The following CCDC9 variants were observed in gnomAD, a reference collection of about 807,000 sequenced individuals.
The protein encoded by CCDC9 is coiled-coil domain containing 9, also known as coiled-coil domain-containing protein 9.
CCDC9 carries 52 observed loss-of-function variants against 65.6 expected under a neutral mutation model. The ratio of observed to expected loss-of-function variants is 0.79; its 90% confidence interval spans 0.63 to 1.00. The LOEUF is 1.00. Ranked by LOEUF, CCDC9 falls within the 50% of genes least tolerant of loss-of-function variation. CCDC9 has a pLI of 0.00. For synonymous variants in CCDC9, 332 were observed against 280.3 expected (o/e 1.18, Z -1.84); for missense variants, 834 against 757.2 (o/e 1.10, Z -1.19).
At position 47,258,457 on chromosome 19, in the gene CCDC9, G is replaced by A. The variant is rs990535842; in HGVS notation, c.3+54G>A. On this transcript the variant is annotated intron_variant, in intron 2 of 11. Transcript: ENST00000221922. ...TCTGAGTTTTGGGGAAGGGGGCTTG[G>A]GAGGATGGGATCCATAGGGGCAGAC... 6.2e-6 allele frequency: 10 copies of A among 1,612,452 alleles called. No individual in the cohort carries two copies. In the African/African-American group the frequency reaches 1.3e-4, roughly 22 times the overall value.
At chr19:47,260,268 C>CGT in intron 3 of CCDC9, 53 bp from the exon 4 acceptor site, 2 of 1,331,402 alleles carry the variant, frequency 1.5e-6, no homozygotes, top group Non-Finnish European at 2.1e-6. Flanking sequence ...TCTGGGAGTC[C>CGT]GTCTGGCAGA....
chr19:47,266,895 G>A (rs2059086008), intron 8 of CCDC9, 103 bp downstream of exon 8: 17 of 1,354,092 alleles, frequency 1.3e-5, no homozygotes, highest in Non-Finnish European at 1.7e-5. Context: ...GTATGAGTGA[G>A]TGACTGCCAA....
Position 47,271,759 on chromosome 19 carries a change from G to A in CCDC9, c.*81G>A, listed in dbSNP as rs1225717310. On this transcript the variant is annotated 3_prime_UTR_variant, in exon 12 of 12. Transcript: ENST00000221922. The stretch of plus-strand genomic sequence containing the variant: ...CGCGCGCGCGCGCGCGCGCGCGCGC[G>A]CTAGAGGGGTGTGGCTGGTGGGGGA... 2.1e-4 allele frequency: 298 copies of A among 1,386,962 alleles called. 1 individual carries two copies. Among genetic ancestry groups the A allele is most frequent in the African/African-American group, 1.8e-3 (114 of 63,064 alleles). The allele number at this position is 1,386,962 out of a possible 1,614,324, so 85.9% of individuals were successfully genotyped here. A position where few individuals can be genotyped will look rare whatever the true frequency, so the allele number is the denominator to read the frequency against.
rs774561026 is a variant in CCDC9 at position 47,270,668 on chromosome 19, G to T, written c.1065G>T (p.Lys355Asn). 1 of 1,611,760 alleles carries T rather than the reference G, an allele frequency of 6.2e-7. No homozygotes were observed. Residue 355 changes from lysine to asparagine, a missense_variant, in exon 10 of 12, where the codon AAG becomes AAT. Coordinates refer to ENST00000221922, the MANE Select transcript of CCDC9 (RefSeq NM_015603.3). Reference sequence around the variant, plus strand: ...GAAAGAGCAGTCGGCCCCAGGCCAAGGCAGCGCCCAGGGCCTACAGGTGGG... The same window carrying T: ...GAAAGAGCAGTCGGCCCCAGGCCAATGCAGCGCCCAGGGCCTACAGGTGGG... Reference protein sequence around the residue: ...RRRKSSRPQAKAAPRAYSDHD... With the variant: ...RRRKSSRPQANAAPRAYSDHD...
Position 47,264,898 on chromosome 19 carries a change from G to C in CCDC9, c.672G>C (p.Gly224=). Residue 224 remains glycine (G), a synonymous_variant, in exon 7 of 12, where the codon GGG becomes GGC. Coordinates refer to ENST00000221922, the MANE Select transcript of CCDC9 (RefSeq NM_015603.3). ...GCCGCCGGCACGGCCGCAACTGGGG[G>C]GGCCCCGACTTCGAGCGGGTGCGCT... ...EESRRHGRNW[G]GPDFERVRCG... is the part of the protein sequence containing the mutation. 1 of 1,470,938 alleles carries C rather than the reference G, an allele frequency of 6.8e-7. No individual in the cohort carries two copies. The highest frequency in any genetic ancestry group is 9.0e-7 in the Non-Finnish European group (1 of 1,113,566). The allele number at this position is 1,470,938 out of a possible 1,614,324, so 91.1% of individuals were successfully genotyped here.
intron 5 of CCDC9, among the ~76,000 whole-genome samples, chr19:47,264,052 T>C (rs1355529214): frequency 6.6e-6 from 1 of 151,820 alleles, no homozygotes; most frequent in African/African-American, 2.4e-5. Flanking sequence ...CTAATTTTTT[T>C]CGTATTTTTA....
intron 7 of CCDC9, 99 bp from the exon 8 acceptor site, chr19:47,266,512 G>A (rs930904416): frequency 7.0e-7 from 1 of 1,429,616 alleles, no homozygotes; most frequent in African/African-American, 1.4e-5. Flanking sequence ...CCTTGTCATC[G>A]CTTCCCTGTG....
rs575397629 is a variant in CCDC9 at position 47,268,010 on chromosome 19, G to A, written c.902+1218G>A. ...TTACAGGCACGTGCCACCACATCCA[G>A]CTAATTTTTTGTAATTTTAGTAGAG... On this transcript the variant is annotated intron_variant, in intron 8 of 11. Transcript: ENST00000221922. 2.6e-5 allele frequency among the ~76,000 whole-genome samples: 4 copies of A among 152,176 alleles called. No individual in the cohort carries two copies. The East Asian group carries it at 7.7e-4, about 29-fold the overall frequency.
In CCDC9 at chr19:47,264,882, A is replaced by T. The variant is rs567723167; in HGVS notation, c.656A>T (p.His219Leu). 1 of 1,477,598 alleles carries T rather than the reference A, an allele frequency of 6.8e-7. No homozygotes were observed. The highest frequency in any genetic ancestry group is 1.4e-5 in the South Asian group (1 of 71,240). The allele number at this position is 1,477,598 out of a possible 1,614,324, so 91.5% of individuals were successfully genotyped here. ...GACCGCCGGGAGGAGAGCCGCCGGCACGGCCGCAACTGGGGGGGCCCCGAC... is the reference window on the plus strand; with the variant it reads ...GACCGCCGGGAGGAGAGCCGCCGGCTCGGCCGCAACTGGGGGGGCCCCGAC... Reference protein sequence around the residue: ...ERDRREESRRHGRNWGGPDFE... With the variant: ...ERDRREESRRLGRNWGGPDFE... The change falls in exon 7 of 12, where the codon CAC becomes CTC. Residue 219 changes from histidine (H) to leucine (L), a missense_variant. Physicochemically the swap from His to Leu is moderately conservative, Grantham distance 99. Coordinates refer to ENST00000221922, the MANE Select transcript of CCDC9 (RefSeq NM_015603.3).
At position 47,258,386 on chromosome 19, in the gene CCDC9, C is replaced by T. The variant is rs748498221; in HGVS notation, c.-15C>T. On this transcript the variant is annotated 5_prime_UTR_variant, in exon 2 of 12. Coordinates refer to ENST00000221922, the MANE Select transcript of CCDC9 (RefSeq NM_015603.3). ...GGGAGGTTTGCTGGGACCTTGGCTC[C>T]ACGCAGCCAGCGAAATGGTGAGGCT... 2 of 1,613,808 alleles carry T rather than the reference C, an allele frequency of 1.2e-6. No homozygotes were observed. Among genetic ancestry groups the T allele is most frequent in the East Asian group, 4.5e-5 (2 of 44,874 alleles).
In CCDC9 at chr19:47,271,324, A is replaced by G. The variant is rs771224655; in HGVS notation, c.1242A>G (p.Glu414=). ...PAHRPPEDEG[E]ENEGEEDEEW... ...ACCGGCCTCCTGAAGACGAGGGGGA[A>G]GAGAATGAGGGGGAAGAGGATGAAG... is the stretch of plus-strand genomic sequence containing the variant. Residue 414 remains glutamate (E), a synonymous_variant, in exon 12 of 12, where the codon GAA becomes GAG. Coordinates refer to ENST00000221922, the MANE Select transcript of CCDC9 (RefSeq NM_015603.3). 37 of 1,612,234 alleles carry G rather than the reference A, an allele frequency of 2.3e-5. No homozygotes were observed. The East Asian group carries it at 8.3e-4, about 36-fold the overall frequency.
At chr19:47,260,266 T>TC in intron 3 of CCDC9, 55 bp from the exon 4 acceptor site, 1 of 1,307,580 alleles carries the variant, frequency 7.6e-7, no homozygotes, top group Non-Finnish European at 1.1e-6. Context: ...GGTCTGGGAG[T>TC]CCGTCTGGCA....
Position 47,271,403 on chromosome 19 carries a change from G to A in CCDC9, c.1321G>A (p.Gly441Ser), listed in dbSNP as rs372451911. The change falls in exon 12 of 12, where the codon GGT (glycine) becomes AGT (serine). Residue 441 changes from glycine to serine, a missense_variant. Gly to Ser is a moderately conservative substitution (Grantham distance 56). Coordinates refer to ENST00000221922, the MANE Select transcript of CCDC9 (RefSeq NM_015603.3). ...AGAGGAGGAGATCGAGGTGGAAGAA[G>A]GTGATGAGGAGGAACCAGCCCAAGA... is the stretch of plus-strand genomic sequence containing the variant. ...EEEEEIEVEE[G>S]DEEEPAQDHQ... is the part of the protein sequence containing the mutation. 6 of 1,611,590 alleles carry A rather than the reference G, an allele frequency of 3.7e-6. No individual in the cohort carries two copies. The African/African-American group carries it at 6.7e-5, about 18-fold the overall frequency.
chr19:47,262,874 C>T (rs974197374), intron 5 of CCDC9, among the ~76,000 whole-genome samples: 1 of 151,784 alleles, frequency 6.6e-6, no homozygotes, highest in Non-Finnish European at 1.5e-5. Context: ...TCGCTTGAGC[C>T]CAGGAGTTTG....
In CCDC9 at chr19:47,264,779, G is replaced by T. The variant is rs754278679; in HGVS notation, c.553G>T (p.Val185Phe). The T allele has an allele frequency of 1.9e-6, 3 of 1,603,856 alleles. No homozygotes were observed. Among genetic ancestry groups the T allele is most frequent in the Admixed American group, 1.7e-5 (1 of 59,064 alleles). The change falls in exon 7 of 12, where the codon GTT becomes TTT. Residue 185 changes from valine (V) to phenylalanine (F), a missense_variant. Val to Phe is a conservative substitution (Grantham distance 50). Transcript: ENST00000221922. ...AEYERNQREG[V>F]LEPNPVRNFL... ...CCTGCTCTGCTGCCTGCAGGAAGGG[G>T]TTCTTGAACCCAACCCAGTGCGGAA...
Position 47,257,244 on chromosome 19 carries a change from G to T in CCDC9, c.-72+635G>T, listed in dbSNP as rs184795489. Among the ~76,000 whole-genome samples the T allele has an allele frequency of 9.5e-3, 1,429 of 150,944 alleles. 21 individuals carry two copies. The highest frequency in any genetic ancestry group is 0.033 in the African/African-American group (1,336 of 41,102). The stretch of plus-strand genomic sequence containing the variant: ...AGGGAGTCAGGGGGCGTGTCCAGGA[G>T]GTTGGCCAGGCCAATCGGAGGCGGG... On this transcript the variant is annotated intron_variant, in intron 1 of 11. Coordinates refer to ENST00000221922, the MANE Select transcript of CCDC9 (RefSeq NM_015603.3).
downstream of CCDC9, chr19:47,273,517 C>A: frequency 2.0e-6 from 1 of 506,044 alleles, no homozygotes; most frequent in South Asian, 1.0e-4. Flanking sequence ...CCGCCTCGCT[C>A]CTCTGTCCTC....
chr19:47,271,751 G>C lies in CCDC9; in HGVS notation c.*73G>C. On this transcript the variant is annotated 3_prime_UTR_variant, in exon 12 of 12. Coordinates refer to ENST00000221922, the MANE Select transcript of CCDC9 (RefSeq NM_015603.3). ...TGTGTGTGCGCGCGCGCGCGCGCGCGCGCGCGCGCTAGAGGGGTGTGGCTG... is the reference window on the plus strand; with the variant it reads ...TGTGTGTGCGCGCGCGCGCGCGCGCCCGCGCGCGCTAGAGGGGTGTGGCTG... 7.2e-7 allele frequency: 1 copy of C among 1,381,428 alleles called. No homozygotes were observed. The highest frequency in any genetic ancestry group is 9.5e-7 in the Non-Finnish European group (1 of 1,049,840). 85.6% of individuals were successfully genotyped at this position (1,381,428 alleles called of 1,614,324 possible). A position where few individuals can be genotyped will look rare whatever the true frequency, so the allele number is the denominator to read the frequency against.
At chr19:47,263,355 G>C (rs571040521) in intron 5 of CCDC9, among the ~76,000 whole-genome samples, 1 of 152,166 alleles carries the variant, frequency 6.6e-6, no homozygotes, top group African/African-American at 2.4e-5. Context: ...ATCAGCAGGG[G>C]GCGGGGTACC....
Sources: gnomAD v4.1 joint callset for allele counts (sites outside exome capture counted in the v4.1 genomes callset) on GRCh38, gnomAD v4.1.1 for gene constraint, MANE v1.5 for transcripts, NCBI Gene and HGNC (gene_info 2026-07-23, HGNC 2026-07-21) for gene names.